Variants in TENM3 observed in about 807,000 individuals in gnomAD.
TENM3 encodes teneurin transmembrane protein 3, also known as teneurin-3.
A neutral mutation model predicts 255.1 loss-of-function variants in TENM3; 63 were observed. That is an observed-to-expected ratio of 0.25 (90% CI 0.20 to 0.30). The LOEUF (loss-of-function observed/expected upper bound fraction) is 0.30, where lower values mean the gene tolerates loss of function less well. Among genes scored for constraint, TENM3 ranks in the 10% least tolerant of loss-of-function variants. The pLI is 1.00. For missense variants in TENM3, 2,929 were observed against 3,461.1 expected (o/e 0.85, Z 3.86); for synonymous variants, 1,306 against 1,322.3 (o/e 0.99, Z 0.27).
intron 13 of TENM3, among the ~76,000 whole-genome samples, chr4:182,726,556 C>T (rs556890024): frequency 1.2e-4 from 18 of 152,222 alleles, no homozygotes; most frequent in Non-Finnish European, 2.2e-4. Context: ...TTGTGAAATT[C>T]GCTCTTGTTA....
At chr4:181,926,557 T>G in the TENM3 span, among the ~76,000 whole-genome samples, 1 of 152,238 alleles carries the variant, frequency 6.6e-6, no homozygotes, top group East Asian at 1.9e-4. Context: ...CTAAGGTTTT[T>G]TGGGTTTTGG....
In TENM3 at chr4:182,658,416, C is replaced by T. The variant is rs769190090; in HGVS notation, c.1111+4523C>T. On this transcript the variant is annotated intron_variant, in intron 6 of 27. Transcript: ENST00000511685. ...ACTTTCATGGCTCCAGTTACATTCT[C>T]TGTGCTTCCTAACTCTCAAATCAGT... Among the ~76,000 whole-genome samples, 5 of 152,318 alleles carry T rather than the reference C, an allele frequency of 3.3e-5. No homozygotes were observed. In the South Asian group the frequency reaches 8.3e-4, roughly 25 times the overall value.
the TENM3 span, among the ~76,000 whole-genome samples, chr4:181,771,756 C>T: frequency 6.6e-6 from 1 of 152,234 alleles, no homozygotes; most frequent in Non-Finnish European, 1.5e-5. Context: ...TTCTATCTAA[C>T]AAGTTCCCAG....
In TENM3 at chr4:182,777,547, C is replaced by CTTTTTTTTTTT. The variant is rs1157448732; in HGVS notation, c.5304+2412_5304+2422dup. On this transcript the variant is annotated intron_variant, in intron 24 of 27. Coordinates refer to ENST00000511685, the MANE Select transcript of TENM3 (RefSeq NM_001080477.4). ...TGTGTGTGTGTGTGTGTGTGTATTT[C>CTTTTTTTTTTT]TTTTTTTTTTTTTTTTTTTTTTTTT... Among the ~76,000 whole-genome samples, 14 of 45,468 alleles carry CTTTTTTTTTTT rather than the reference C, an allele frequency of 3.1e-4. 2 individuals carry two copies. Among genetic ancestry groups the CTTTTTTTTTTT allele is most frequent in the African/African-American group, 1.0e-3 (12 of 11,576 alleles). The allele number at this position is 45,468 out of a possible 152,430, so 29.8% of individuals were successfully genotyped here.
intron 3 of TENM3, among the ~76,000 whole-genome samples, chr4:182,374,557 A>G (rs1767050766): frequency 6.6e-6 from 1 of 152,138 alleles, no homozygotes; most frequent in Non-Finnish European, 1.5e-5. Flanking sequence ...CTTCCCACTT[A>G]CCATTTCCAA....
upstream of TENM3, among the ~76,000 whole-genome samples, chr4:182,241,518 C>CTTTTCTT (rs1554036904): frequency 8.8e-6 from 1 of 114,278 alleles, no homozygotes; most frequent in African/African-American, 3.8e-5. Flanking sequence ...TTTTTTCTTT[C>CTTTTCTT]TTTTTTTTTT....
At chr4:182,194,122 A>G (rs1047080751) in intron 1 of TENM3, among the ~76,000 whole-genome samples, 3 of 152,220 alleles carry the variant, frequency 2.0e-5, no homozygotes, top group African/African-American at 7.2e-5. Context: ...ATAATAAACA[A>G]ACAAATTCTA....
At chr4:182,791,141 T>G (rs1391433443) in intron 25 of TENM3, among the ~76,000 whole-genome samples, 1 of 152,244 alleles carries the variant, frequency 6.6e-6, no homozygotes, top group African/African-American at 2.4e-5. Flanking sequence ...AAGTCCAAGC[T>G]TTCCTTGGAA....
intron 1 of TENM3, among the ~76,000 whole-genome samples, chr4:182,320,188 A>G (rs1762965474): frequency 6.6e-6 from 1 of 152,194 alleles, no homozygotes; most frequent in African/African-American, 2.4e-5. Flanking sequence ...TCTCTAAAGG[A>G]CCAGATAGCA....
the TENM3 span, among the ~76,000 whole-genome samples, chr4:181,909,494 G>A: frequency 5.3e-5 from 8 of 152,154 alleles, no homozygotes; most frequent in African/African-American, 1.2e-4. Context: ...AAGTCCGGCC[G>A]CCTCACCCAA....
At chr4:181,751,852 G>A in the TENM3 span, among the ~76,000 whole-genome samples, 11 of 152,256 alleles carry the variant, frequency 7.2e-5, no homozygotes, top group East Asian at 1.5e-3. Flanking sequence ...TGTTGGGGAC[G>A]AAGACTGACC....
intron 1 of TENM3, among the ~76,000 whole-genome samples, chr4:182,269,072 TA>T (rs199900527): frequency 1.9e-4 from 29 of 151,372 alleles, no homozygotes; most frequent in South Asian, 4.2e-4. Flanking sequence ...CTTTGCTCTT[TA>T]AAAAAAAATA....
At chr4:181,739,543 G>A in the TENM3 span, among the ~76,000 whole-genome samples, 3 of 152,158 alleles carry the variant, frequency 2.0e-5, no homozygotes, top group Admixed American at 2.0e-4. Flanking sequence ...GAGCCTGCAA[G>A]TCCCACCTCT....
chr4:182,416,245 T>G (rs1411582079), intron 3 of TENM3, among the ~76,000 whole-genome samples: 1 of 152,154 alleles, frequency 6.6e-6, no homozygotes, highest in Non-Finnish European at 1.5e-5. Context: ...TCAAGTTGAG[T>G]TGAGGTATGG....
At chr4:181,775,670 T>C in the TENM3 span, among the ~76,000 whole-genome samples, 1 of 152,224 alleles carries the variant, frequency 6.6e-6, no homozygotes. Context: ...GAACCACCAA[T>C]AAATCCTGGT....
At chr4:182,071,097 G>C in the TENM3 span, among the ~76,000 whole-genome samples, 2 of 73,220 alleles carry the variant, frequency 2.7e-5, no homozygotes, top group Non-Finnish European at 7.2e-5. Flanking sequence ...TTCCCAAGAA[G>C]AACAAAAACT....
chr4:182,761,812 A>G (rs1262311494), intron 22 of TENM3, among the ~76,000 whole-genome samples: 1 of 152,210 alleles, frequency 6.6e-6, no homozygotes, highest in Non-Finnish European at 1.5e-5. Flanking sequence ...TAGTAGAATC[A>G]AATAGTTTAT....
At chr4:181,671,872 C>T in the TENM3 span, among the ~76,000 whole-genome samples, 18 of 152,132 alleles carry the variant, frequency 1.2e-4, no homozygotes, top group Non-Finnish European at 2.1e-4. Context: ...AGTCATCAGC[C>T]TGGCCCAGGG....
chr4:182,733,578 T>C (rs565591527), intron 16 of TENM3, among the ~76,000 whole-genome samples: 2 of 151,406 alleles, frequency 1.3e-5, no homozygotes, highest in South Asian at 2.1e-4. Flanking sequence ...AGAGGTAAAT[T>C]TGGGAGTCAT....
Sources: gnomAD v4.1 joint callset for allele counts (sites outside exome capture counted in the v4.1 genomes callset) on GRCh38, gnomAD v4.1.1 for gene constraint, MANE v1.5 for transcripts, NCBI Gene and HGNC (gene_info 2026-07-23, HGNC 2026-07-21) for gene names.